The following KCNH5 variants were observed in gnomAD, a reference collection of about 807,000 sequenced individuals.
KCNH5 encodes the protein potassium voltage-gated channel subfamily H member 5.
KCNH5 carries 46 observed loss-of-function variants against 96.1 expected under a neutral mutation model. The ratio of observed to expected loss-of-function variants is 0.48; its 90% CI spans 0.38 to 0.61. The LOEUF (loss-of-function observed/expected upper bound fraction) is 0.61. KCNH5 is among the 20% of genes least tolerant of loss of function. The pLI is 0.00. For missense variants in KCNH5, 907 were observed against 1,225.8 expected (o/e 0.74, Z 3.88); for synonymous variants, 439 against 449.8 (o/e 0.98, Z 0.30).
intron 8 of KCNH5, among the ~76,000 whole-genome samples, chr14:62,821,269 C>T (rs1006865167): frequency 5.3e-5 from 8 of 151,714 alleles, no homozygotes; most frequent in Non-Finnish European, 2.9e-5. Flanking sequence ...ATATAGGGTA[C>T]ATTATCTTAA....
At chr14:62,970,073 T>TAAAAAAAAAAAA (rs1284748914) in intron 6 of KCNH5, among the ~76,000 whole-genome samples, 63 of 112,150 alleles carry the variant, frequency 5.6e-4, no homozygotes, top group Middle Eastern at 4.6e-3. Context: ...AAAAAAAAAT[T>TAAAAAAAAAAAA]AAATCAATAA....
chr14:62,881,100 G>C (rs577887661), intron 7 of KCNH5, among the ~76,000 whole-genome samples: 1 of 152,244 alleles, frequency 6.6e-6, no homozygotes, highest in Admixed American at 6.5e-5. Flanking sequence ...TCAATAAAAT[G>C]CTTATGCATT....
chr14:63,007,096 A>C (rs1891141738), intron 2 of KCNH5, among the ~76,000 whole-genome samples: 1 of 152,202 alleles, frequency 6.6e-6, no homozygotes, highest in African/African-American at 2.4e-5. Flanking sequence ...GGAAATGTCA[A>C]TACTACTGCC....
intron 10 of KCNH5, among the ~76,000 whole-genome samples, chr14:62,731,069 G>A (rs1202620809): frequency 6.6e-6 from 1 of 152,124 alleles, no homozygotes; most frequent in Non-Finnish European, 1.5e-5. Flanking sequence ...GGGAGGCTGA[G>A]GCAGGAGGAT....
At chr14:62,718,737 C>T (rs949065807) in intron 10 of KCNH5, among the ~76,000 whole-genome samples, 1 of 152,178 alleles carries the variant, frequency 6.6e-6, no homozygotes, top group Non-Finnish European at 1.5e-5. Context: ...AACATATAGT[C>T]ACACAAAAAC....
chr14:62,941,717 A>T (rs950585001), intron 7 of KCNH5, among the ~76,000 whole-genome samples: 1 of 152,208 alleles, frequency 6.6e-6, no homozygotes, highest in East Asian at 1.9e-4. Context: ...CGCAATAACA[A>T]GGCCAAGACA....
At chr14:62,841,289 A>G (rs2140037338) in intron 8 of KCNH5, among the ~76,000 whole-genome samples, 1 of 152,328 alleles carries the variant, frequency 6.6e-6, no homozygotes, top group African/African-American at 2.4e-5. Flanking sequence ...CTTTTACCTT[A>G]AAAACTGAAA....
chr14:63,001,311 G>A lies in KCNH5; in HGVS notation c.433+20C>T, dbSNP rs1343076393. 4 of 1,589,314 alleles carry A rather than the reference G, an allele frequency of 2.5e-6. No individual in the cohort carries two copies. The highest frequency in any genetic ancestry group is 3.4e-6 in the Non-Finnish European group (4 of 1,168,440). ...AGCAACAGCCTAATTTTTCAGTGTA[G>A]TAATTCTTTTGAAAATTACCTTTTG... On this transcript the variant is annotated intron_variant, in intron 4 of 10. Transcript: ENST00000322893.
At chr14:62,855,200 T>A (rs1887904966) in intron 7 of KCNH5, among the ~76,000 whole-genome samples, 2 of 152,084 alleles carry the variant, frequency 1.3e-5, no homozygotes. Flanking sequence ...GCACTGGCCA[T>A]AGCTGAGCAA....
chr14:62,931,911 C>T (rs1889588162), intron 7 of KCNH5, among the ~76,000 whole-genome samples: 1 of 152,136 alleles, frequency 6.6e-6, no homozygotes, highest in South Asian at 2.1e-4. Flanking sequence ...TGAAAGCTTA[C>T]ACACTGAGTG....
At chr14:62,952,406 A>AATAAAC (rs1412967298) in intron 6 of KCNH5, among the ~76,000 whole-genome samples, 1 of 152,176 alleles carries the variant, frequency 6.6e-6, no homozygotes, top group African/African-American at 2.4e-5. Context: ...GTAATACAAA[A>AATAAAC]ATAAACATTT....
chr14:62,824,465 C>A (rs998463378), intron 8 of KCNH5, among the ~76,000 whole-genome samples: 2 of 151,778 alleles, frequency 1.3e-5, no homozygotes, highest in Non-Finnish European at 1.5e-5. Context: ...ATATTACATG[C>A]AAAATAGAAT....
At chr14:62,914,866 G>A (rs760078300) in intron 7 of KCNH5, among the ~76,000 whole-genome samples, 3 of 152,184 alleles carry the variant, frequency 2.0e-5, no homozygotes, top group Admixed American at 6.5e-5. Flanking sequence ...TGCATACCTC[G>A]CCATGTGGGC....
chr14:62,961,942 G>A (rs1408581651), intron 6 of KCNH5, among the ~76,000 whole-genome samples: 2 of 152,074 alleles, frequency 1.3e-5, no homozygotes, highest in African/African-American at 4.8e-5. Flanking sequence ...TGCAGATGGA[G>A]ATGCAGATGG....
rs1218806365 is a variant in KCNH5 at position 62,851,463 on chromosome 14, T to G, written c.1370-1611A>C. Among the ~76,000 whole-genome samples the G allele has an allele frequency of 2.0e-5, 3 of 147,144 alleles. No individual in the cohort carries two copies. In the East Asian group the frequency reaches 6.0e-4, roughly 29 times the overall value. ...CCTGAGATCTTGATTCTATAAAGAATTATGAAGTTTATTAAAAGATATAGA... is the reference window on the plus strand; with the variant it reads ...CCTGAGATCTTGATTCTATAAAGAAGTATGAAGTTTATTAAAAGATATAGA... On this transcript the variant is annotated intron_variant, in intron 7 of 10. Coordinates refer to ENST00000322893, the MANE Select transcript of KCNH5 (RefSeq NM_139318.5).
At chr14:62,779,696 C>G (rs1461509188) in intron 10 of KCNH5, 32 bp downstream of exon 10, 6 of 1,564,498 alleles carry the variant, frequency 3.8e-6, no homozygotes, top group Non-Finnish European at 5.2e-6. Flanking sequence ...ACTCTGGACA[C>G]TAATAAGAAA....
At chr14:62,928,114 G>A (rs1889509497) in intron 7 of KCNH5, among the ~76,000 whole-genome samples, 1 of 152,034 alleles carries the variant, frequency 6.6e-6, no homozygotes. Context: ...TGAAAATATG[G>A]TGAATTCCAA....
chr14:63,008,560 G>A (rs1165964956), intron 2 of KCNH5, among the ~76,000 whole-genome samples: 1 of 151,882 alleles, frequency 6.6e-6, no homozygotes, highest in Non-Finnish European at 1.5e-5. Context: ...ATCAAAGATT[G>A]TCCAAGCACC....
chr14:62,848,798 A>C (rs1887748823), intron 8 of KCNH5, among the ~76,000 whole-genome samples: 1 of 152,208 alleles, frequency 6.6e-6, no homozygotes, highest in Non-Finnish European at 1.5e-5. Context: ...GGAAATGGCC[A>C]GGAAAGTATT....
Sources: allele counts gnomAD v4.1 joint callset (sites outside exome capture counted in the v4.1 genomes callset), GRCh38; gene constraint gnomAD v4.1.1; transcripts MANE v1.5; gene names NCBI Gene and HGNC (gene_info 2026-07-23, HGNC 2026-07-21).